Variants in TMEM143 observed in about 807,000 individuals in gnomAD.
TMEM143 encodes transmembrane protein 143.
In TMEM143, 45 loss-of-function variants were observed where a neutral mutation model predicts 40.3. The ratio of observed to expected loss-of-function variants is 1.12; its 90% CI spans 0.88 to 1.43. The LOEUF is 1.43. Ranked by LOEUF, TMEM143 falls within the 40% of genes most tolerant of loss-of-function variation. The pLI, the probability that TMEM143 is intolerant of heterozygous loss-of-function variation, is 0.00. For missense variants in TMEM143, 620 were observed against 613.4 expected, an observed-to-expected ratio of 1.01 and a Z score of -0.11; for synonymous variants, 299 against 282.7, an observed-to-expected ratio of 1.06 and a Z score of -0.58.
rs1327251730 is a variant in TMEM143, at chr19:48,363,343, C to T, written c.212G>A (p.Arg71His). 1.2e-6 allele frequency: 2 copies of T among 1,614,218 alleles called. No homozygotes were observed. The highest frequency in any genetic ancestry group is 8.5e-7 in the Non-Finnish European group (1 of 1,180,034). The change falls in exon 2 of 8, where the codon CGC becomes CAC. Residue 71 changes from arginine (R) to histidine (H), a missense_variant. Coordinates refer to ENST00000293261, the MANE Select transcript of TMEM143 (RefSeq NM_018273.4). ...REPRDWAQQY[R>H]ERFIPFSKEQ... Reference sequence around the variant, plus strand: ...CTTGGAGAAGGGAATGAAGCGCTCGCGGTACTGCTGGGCCCAGTCGCGGGG... The same window carrying T: ...CTTGGAGAAGGGAATGAAGCGCTCGTGGTACTGCTGGGCCCAGTCGCGGGG...
At chr19:48,338,094 G>C (rs1385558806) in intron 6 of TMEM143, among the ~76,000 whole-genome samples, 1 of 152,034 alleles carries the variant, frequency 6.6e-6, no homozygotes, top group Non-Finnish European at 1.5e-5. Flanking sequence ...TCTATGTCTT[G>C]GGCAGCCCCT....
chr19:48,341,051 AT>A (rs1239290159), intron 6 of TMEM143, among the ~76,000 whole-genome samples: 3 of 152,128 alleles, frequency 2.0e-5, no homozygotes, highest in Non-Finnish European at 4.4e-5. Flanking sequence ...TATCTGCGGG[AT>A]TTATTACCAG....
Position 48,363,425 on chromosome 19 carries a change from G to C in TMEM143, c.130C>G (p.Leu44Val). 6.8e-6 allele frequency: 11 copies of C among 1,613,974 alleles called. No homozygotes were observed. Among genetic ancestry groups the C allele is most frequent in the Non-Finnish European group, 9.3e-6 (11 of 1,179,990 alleles). The change falls in exon 2 of 8, where the codon CTC becomes GTC. Residue 44 changes from leucine to valine, a missense_variant. Transcript: ENST00000293261. ...CCCATTTTGGCTGCCAGCGATGAGA[G>C]GGCCCGGGGGGGCCCGAGGAGCGCG... Reference protein sequence around the residue: ...LPALLGPPRALSSLAAKMGEY... With the variant: ...LPALLGPPRAVSSLAAKMGEY...
At chr19:48,337,571 A>G (rs35970658) in intron 6 of TMEM143, among the ~76,000 whole-genome samples, 2,156 of 150,354 alleles carry the variant, frequency 0.014, 27 homozygotes, top group Middle Eastern at 0.12. Flanking sequence ...AAAAAAAAAC[A>G]TTGGGACAAA....
chr19:48,346,962 T>A (rs755808353), intron 3 of TMEM143, among the ~76,000 whole-genome samples: 6 of 152,098 alleles, frequency 3.9e-5, no homozygotes, highest in Non-Finnish European at 8.8e-5. Context: ...AATCCACCCC[T>A]CCAACAGCTT....
Position 48,332,799 on chromosome 19 carries a change from G to T in TMEM143, c.*420C>A, listed in dbSNP as rs1969241197. On this transcript the variant is annotated 3_prime_UTR_variant, in exon 8 of 8. Coordinates refer to ENST00000293261, the MANE Select transcript of TMEM143 (RefSeq NM_018273.4). ...CTAACGGCCTTGGTGCACATGATGG[G>T]CAGTTTGCCCGGAGCGGGCTGAAAA... 1 of 156,012 alleles carries T rather than the reference G, an allele frequency of 6.4e-6. No individual in the cohort carries two copies. Among genetic ancestry groups the T allele is most frequent in the Non-Finnish European group, 1.4e-5 (1 of 70,654 alleles). 9.7% of individuals were successfully genotyped at this position (156,012 alleles called of 1,614,324 possible). A position where few individuals can be genotyped will look rare whatever the true frequency, so the allele number is the denominator to read the frequency against.
chr19:48,355,245 G>A (rs1969861927), intron 3 of TMEM143, among the ~76,000 whole-genome samples: 2 of 152,020 alleles, frequency 1.3e-5, no homozygotes, highest in Non-Finnish European at 1.5e-5. Flanking sequence ...TTGCCAGACT[G>A]GTCTCGAACT....
chr19:48,344,841 G>T (rs1969584224), intron 4 of TMEM143, among the ~76,000 whole-genome samples: 1 of 152,154 alleles, frequency 6.6e-6, no homozygotes, highest in African/African-American at 2.4e-5. Context: ...CCAGTAGCTG[G>T]GATTACAGGC....
rs1322281178 is a variant in TMEM143 at position 48,334,113 on chromosome 19, G to A, written c.1060C>T (p.Leu354Phe). The change falls in exon 7 of 8, where the codon CTC becomes TTC. Residue 354 changes from leucine (L) to phenylalanine (F), a missense_variant. Leu to Phe is a conservative substitution (Grantham distance 22). Coordinates refer to ENST00000293261, the MANE Select transcript of TMEM143 (RefSeq NM_018273.4). ...YRSTSNNSEL[L>F]SALALRAQDE... ...TGCGCGCGCAGGGCCAGGGCGCTGA[G>A]CAGCTCCGAGTTGTTGGACGTACTG... 1 of 1,603,020 alleles carries A rather than the reference G, an allele frequency of 6.2e-7. No homozygotes were observed. Among genetic ancestry groups the A allele is most frequent in the Non-Finnish European group, 8.5e-7 (1 of 1,175,734 alleles).
Position 48,333,309 on chromosome 19 carries a change from C to A in TMEM143, c.1290G>T (p.Leu430Phe). Residue 430 changes from leucine (L) to phenylalanine (F), a missense_variant, in exon 8 of 8, where the codon TTG becomes TTT. Coordinates refer to ENST00000293261, the MANE Select transcript of TMEM143 (RefSeq NM_018273.4). This position sits in a 1 kb window ranked among gnomAD's most constrained non-coding sequence, Gnocchi z 4.1. ...HLQALTPSMG[L>F]YPPPGFPKLD... ...GTTTGGGGAAACCCGGGGGTGGGTA[C>A]AATCCCATGCTGGGGGTCAGGGCCT... 1 of 1,602,710 alleles carries A rather than the reference C, an allele frequency of 6.2e-7. No individual in the cohort carries two copies.
At chr19:48,345,521 C>T (rs1441334726) in intron 3 of TMEM143, among the ~76,000 whole-genome samples, 167 bp from the exon 4 acceptor site, 3 of 151,844 alleles carry the variant, frequency 2.0e-5, no homozygotes, top group Non-Finnish European at 4.4e-5. Context: ...TGCAGTGTCA[C>T]GTTCTCCGCT....
At chr19:48,360,935 C>T (rs767441003) in intron 2 of TMEM143, among the ~76,000 whole-genome samples, 1 of 151,992 alleles carries the variant, frequency 6.6e-6, no homozygotes, top group African/African-American at 2.4e-5. Context: ...TACAGGTGCC[C>T]ACCACCATGC....
rs140261107 is a variant in TMEM143 at position 48,343,349 on chromosome 19, A to G, written c.667T>C (p.Phe223Leu). The G allele has an allele frequency of 6.9e-5, 111 of 1,610,946 alleles. No homozygotes were observed. In the African/African-American group the frequency reaches 1.1e-3, roughly 16 times the overall value. Reference sequence around the variant, plus strand: ...TCCGCAGGGGGCAGCTTGGTGAAGAAGCCACGCCTGGAGCCCACGCTGGAC... The same window carrying G: ...TCCGCAGGGGGCAGCTTGGTGAAGAGGCCACGCCTGGAGCCCACGCTGGAC... ...LKSSVGSRRG[F>L]FTKLPPAERR... The change falls in exon 5 of 8, where the codon TTC (phenylalanine) becomes CTC (leucine). Residue 223 changes from phenylalanine (F) to leucine (L), a missense_variant. Phe to Leu is a conservative substitution (Grantham distance 22). Coordinates refer to ENST00000293261, the MANE Select transcript of TMEM143 (RefSeq NM_018273.4).
intron 3 of TMEM143, among the ~76,000 whole-genome samples, chr19:48,355,048 G>A (rs982374373): frequency 3.3e-5 from 5 of 149,846 alleles, no homozygotes; most frequent in Non-Finnish European, 5.9e-5. Flanking sequence ...TAAGAATCTT[G>A]CTCTGTCACC....
At chr19:48,349,882 C>T (rs528928918) in intron 3 of TMEM143, among the ~76,000 whole-genome samples, 3 of 152,002 alleles carry the variant, frequency 2.0e-5, no homozygotes, top group African/African-American at 7.2e-5. Flanking sequence ...CCAATAAGGT[C>T]GACACTGGCC....
chr19:48,334,451 TTTCTTTCTTTC>T (rs2147352380), intron 6 of TMEM143, among the ~76,000 whole-genome samples: 1 of 46,464 alleles, frequency 2.2e-5, no homozygotes, highest in East Asian at 4.4e-4. Context: ...TCTTTCTTTC[TTTCTTTCTTTC>T]TTTCTTTCTT....
In TMEM143 at chr19:48,345,372, G is replaced by A. The variant is rs1316849194; in HGVS notation, c.370-18C>T. 2.0e-6 allele frequency: 3 copies of A among 1,511,934 alleles called. No homozygotes were observed. Among genetic ancestry groups the A allele is most frequent in the Admixed American group, 2.3e-5 (1 of 43,766 alleles). The allele number at this position is 1,511,934 out of a possible 1,614,324, so 93.7% of individuals were successfully genotyped here. ...TATAAGGCCTAAGAGGAGAGTCAGA[G>A]AGAAAAAGATGGGATAGGTCTCTGC... On this transcript the variant is annotated intron_variant, in intron 3 of 7. Transcript: ENST00000293261.
At chr19:48,363,625 C>T (rs1970121340) in intron 1 of TMEM143, 94 bp from the exon 2 acceptor site, 2 of 1,495,088 alleles carry the variant, frequency 1.3e-6, no homozygotes, top group African/African-American at 1.4e-5. Context: ...CCGTCTCTAC[C>T]CCAGGCAGGG....
rs746979848 is a variant in TMEM143, at chr19:48,334,073, T to G, written c.1100A>C (p.Lys367Thr). 10 of 1,585,946 alleles carry G rather than the reference T, an allele frequency of 6.3e-6. No homozygotes were observed. The highest frequency in any genetic ancestry group is 7.7e-6 in the Non-Finnish European group (9 of 1,167,662). ...LALRAQDEHT[K>T]EALLAHSFLA... ...GAAGCTGTGAGCCAGCAGCGCCTCC[T>G]TGGTGTGCTCGTCCTGCGCGCGCAG... The change falls in exon 7 of 8, where the codon AAG becomes ACG. Residue 367 changes from lysine (K) to threonine (T), a missense_variant. Transcript: ENST00000293261.
Sources: gnomAD v4.1 joint callset for allele counts (sites outside exome capture counted in the v4.1 genomes callset) on GRCh38, gnomAD v4.1.1 for gene constraint, Gnocchi (gnomAD v3.1) non-coding constraint, MANE v1.5 for transcripts, NCBI Gene and HGNC (gene_info 2026-07-23, HGNC 2026-07-21) for gene names.